Variants in HOXB5 observed in about 807,000 individuals in gnomAD.
The protein encoded by HOXB5 is homeobox B5.
HOXB5 carries 10 observed loss-of-function variants against 19.6 expected under a neutral mutation model. That is an observed-to-expected ratio of 0.51 (90% CI 0.32 to 0.87). HOXB5 has a LOEUF of 0.87. Among genes scored for constraint, HOXB5 ranks in the 40% least tolerant of loss-of-function variants. The pLI is 0.04. For missense variants in HOXB5, 353 were observed against 369.6 expected (o/e 0.96, Z 0.37); for synonymous variants, 167 against 156.9 (o/e 1.06, Z -0.48).
chr17:48,593,548 G>T lies in HOXB5; in HGVS notation c.135C>A (p.Tyr45Ter), dbSNP rs745671953. 6.2e-7 allele frequency: 1 copy of T among 1,613,270 alleles called. No individual in the cohort carries two copies. Among genetic ancestry groups the T allele is most frequent in the Non-Finnish European group, 8.5e-7 (1 of 1,180,042 alleles). Residue 45 changes from tyrosine (Y) to a stop codon, truncating the protein, a stop_gained, in exon 1 of 2, where the codon TAC becomes TAA. Transcript: ENST00000239151. LOFTEE classifies it high-confidence loss of function. ...RDPAAMHTGSYGYNYNGMDLS... is the reference protein window; with the variant it reads ...RDPAAMHTGS Reference sequence around the variant, plus strand: ...GGTCCATCCCATTGTAATTGTAGCCGTAAGAGCCGGTGTGCATGGCAGCGG... The same window carrying T: ...GGTCCATCCCATTGTAATTGTAGCCTTAAGAGCCGGTGTGCATGGCAGCGG...
chr17:48,592,471 GGA>G lies in HOXB5; in HGVS notation c.563-17_563-16del. The G allele has an allele frequency of 7.3e-7, 1 of 1,366,982 alleles. No homozygotes were observed. Among genetic ancestry groups the G allele is most frequent in the Non-Finnish European group, 9.8e-7 (1 of 1,023,210 alleles). The allele number at this position is 1,366,982 out of a possible 1,614,324, so 84.7% of individuals were successfully genotyped here. ...CCCGGTCATATCTGGAGCAGATAGA[GGA>G]AAGCCGCAAGGCAACATTATTCCGG... On this transcript the variant is annotated splice_polypyrimidine_tract_variant and intron_variant, in intron 1 of 1. Coordinates refer to ENST00000239151, the MANE Select transcript of HOXB5 (RefSeq NM_002147.4).
At chr17:48,592,791 T>C (rs1273799944) in intron 1 of HOXB5, among the ~76,000 whole-genome samples, 2 of 152,208 alleles carry the variant, frequency 1.3e-5, no homozygotes, top group Non-Finnish European at 2.9e-5. Context: ...GTTCACCCCT[T>C]CTTTGCTAGC....
In HOXB5 at chr17:48,593,614, A is replaced by C; in HGVS notation, c.69T>G (p.Asn23Lys). ...YPNGPDYQLL[N>K]YGSGSSLSGS... ...CGCTCAGAGAGCTGCCACTGCCATA[A>C]TTTAGCAACTGATAGTCCGGGCCAT... The change falls in exon 1 of 2, where the codon AAT becomes AAG. Residue 23 changes from asparagine (N) to lysine (K), a missense_variant. Coordinates refer to ENST00000239151, the MANE Select transcript of HOXB5 (RefSeq NM_002147.4). 1 of 1,613,136 alleles carries C rather than the reference A, an allele frequency of 6.2e-7. No individual in the cohort carries two copies. The highest frequency in any genetic ancestry group is 8.5e-7 in the Non-Finnish European group (1 of 1,180,026).
intron 1 of HOXB5, among the ~76,000 whole-genome samples, chr17:48,592,842 A>T (rs1033144577): frequency 6.6e-6 from 1 of 152,168 alleles, no homozygotes; most frequent in Non-Finnish European, 1.5e-5. Context: ...ACCCTTCCCC[A>T]CATTATATGA....
At chr17:48,592,988 C>T in intron 1 of HOXB5, 133 bp downstream of exon 1, 1 of 656,122 alleles carries the variant, frequency 1.5e-6, no homozygotes, top group Non-Finnish European at 2.5e-6. Context: ...TATGAGGCCC[C>T]TCTTAGATAC....
intron 1 of HOXB5, among the ~76,000 whole-genome samples, chr17:48,592,763 C>T (rs1406915783): frequency 6.6e-6 from 1 of 152,192 alleles, no homozygotes; most frequent in Non-Finnish European, 1.5e-5. Context: ...ACTTTTGCCC[C>T]GGAAAGCTCC....
intron 1 of HOXB5, among the ~76,000 whole-genome samples, 187 bp downstream of exon 1, chr17:48,592,934 C>T (rs1436806797): frequency 1.3e-5 from 2 of 152,010 alleles, no homozygotes; most frequent in African/African-American, 4.8e-5. Flanking sequence ...TTAAAAATAC[C>T]CCCCTCTTAA....
chr17:48,592,317 G>T lies in HOXB5; in HGVS notation c.702C>A (p.Ser234=), dbSNP rs140096647. The change falls in exon 2 of 2, where the codon TCC becomes TCA. Residue 234 remains serine (S), a synonymous_variant. Transcript: ENST00000239151. ...RIEIAHALCL[S]ERQIKIWFQN... The stretch of plus-strand genomic sequence containing the variant: ...GGAACCAGATCTTGATCTGGCGCTC[G>T]GACAGGCAGAGTGCGTGGGCGATCT... 3 of 1,614,122 alleles carry T rather than the reference G, an allele frequency of 1.9e-6. No individual in the cohort carries two copies. The highest frequency in any genetic ancestry group is 2.2e-5 in the East Asian group (1 of 44,878).
Position 48,593,332 on chromosome 17 carries a change from G to A in HOXB5, c.351C>T (p.Pro117=), listed in dbSNP as rs1181174208. The A allele has an allele frequency of 6.2e-7, 1 of 1,609,308 alleles. No homozygotes were observed. The change falls in exon 1 of 2, where the codon CCC becomes CCT. Residue 117 remains proline (P), a synonymous_variant. Transcript: ENST00000239151. The stretch of plus-strand genomic sequence containing the variant: ...AGCTGGCTGAGGTCGCCTGGTCGGA[G>A]GGGGACGAAGCAGAGGGCTTGGCGC... ...SHGAKPSASS[P]SDQATSASSS...
At position 48,593,195 on chromosome 17, in the gene HOXB5, G is replaced by T. The variant is rs1415852538; in HGVS notation, c.488C>A (p.Ala163Asp). 6.2e-7 allele frequency: 1 copy of T among 1,609,876 alleles called. No homozygotes were observed. The highest frequency in any genetic ancestry group is 8.5e-7 in the Non-Finnish European group (1 of 1,177,234). ...SLARAQPEPMATSTAAPEGQT... is the reference protein window; with the variant it reads ...SLARAQPEPMDTSTAAPEGQT... ...CCCCTCGGGCGCGGCTGTGGAGGTG[G>T]CCATGGGCTCTGGCTGCGCCCGAGC... is the stretch of plus-strand genomic sequence containing the variant. Residue 163 changes from alanine to aspartate, a missense_variant, in exon 1 of 2, where the codon GCC becomes GAC. Coordinates refer to ENST00000239151, the MANE Select transcript of HOXB5 (RefSeq NM_002147.4).
Sources: gnomAD v4.1 joint callset for allele counts (sites outside exome capture counted in the v4.1 genomes callset) on GRCh38, gnomAD v4.1.1 for gene constraint, MANE v1.5 for transcripts, NCBI Gene and HGNC (gene_info 2026-07-23, HGNC 2026-07-21) for gene names.